Variants in KLRC4 observed in about 807,000 individuals in gnomAD.
KLRC4 encodes NKG2-F type II integral membrane protein.
KLRC4 carries 6 observed loss-of-function variants against 14.3 expected under a neutral mutation model. The ratio of observed to expected loss-of-function variants is 0.42; its 90% confidence interval spans 0.23 to 0.83. The LOEUF (loss-of-function observed/expected upper bound fraction) is 0.83, where lower values mean the gene tolerates loss of function less well. KLRC4 is among the 40% of genes least tolerant of loss of function. The pLI is 0.29. For missense variants in KLRC4, 158 were observed against 179.4 expected, an observed-to-expected ratio of 0.88 and a Z score of 0.68; for synonymous variants, 53 against 60.5, an observed-to-expected ratio of 0.88 and a Z score of 0.57.
chr12:10,408,352 GA>G lies in KLRC4; in HGVS notation c.316del (p.Ser106ProfsTer2). 5 of 1,509,892 alleles carry G rather than the reference GA, an allele frequency of 3.3e-6. No individual in the cohort carries two copies. The highest frequency in any genetic ancestry group is 3.7e-6 in the Non-Finnish European group (4 of 1,091,362). 93.5% of individuals were successfully genotyped at this position (1,509,892 alleles called of 1,614,324 possible). Reference protein sequence around the residue: ...CIGVLEQNNFSLNRRMQKARH... With the variant: ...CIGVLEQNNFXLNRRMQKARH... Reference sequence around the variant, plus strand: ...ACCTTTCTGCATTCTTCTATTCAGGGAAAAATTGTTCTGCTCCAGTACTCCA... The same window carrying G: ...ACCTTTCTGCATTCTTCTATTCAGGGAAAATTGTTCTGCTCCAGTACTCCA... On this transcript the variant is annotated frameshift_variant, in exon 3 of 4. Coordinates refer to ENST00000309384, the MANE Select transcript of KLRC4 (RefSeq NM_013431.2). LOFTEE classifies it low-confidence loss of function (END_TRUNC).
chr12:10,408,381 AC>A lies in KLRC4; in HGVS notation c.287del (p.Cys96LeufsTer12). 1 of 1,411,574 alleles carries A rather than the reference AC, an allele frequency of 7.1e-7. No homozygotes were observed. The highest frequency in any genetic ancestry group is 1.2e-5 in the South Asian group (1 of 80,816). The allele number at this position is 1,411,574 out of a possible 1,614,324, so 87.4% of individuals were successfully genotyped here. A position where few individuals can be genotyped will look rare whatever the true frequency, so the allele number is the denominator to read the frequency against. The part of the protein sequence containing the change: ...TVLKTIVLIP[C>X]IGVLEQNNFS... ...AATTGTTCTGCTCCAGTACTCCAAT[AC>A]CTAGAAAAATTAAAGTGATTCTTAC... On this transcript the variant is annotated frameshift_variant and splice_region_variant, in exon 3 of 4. Transcript: ENST00000309384. LOFTEE classifies it high-confidence loss of function.
chr12:10,408,225 T>G (rs2617169), intron 3 of KLRC4, 104 bp downstream of exon 3: 5 of 707,894 alleles, frequency 7.1e-6, no homozygotes, highest in Admixed American at 5.2e-5. Flanking sequence ...TTATGGCTCA[T>G]TGTTATAGTT....
At chr12:10,408,677 T>C (rs562265707) in intron 2 of KLRC4, among the ~76,000 whole-genome samples, 2 of 151,724 alleles carry the variant, frequency 1.3e-5, no homozygotes, top group African/African-American at 4.9e-5. Context: ...AGAATACATC[T>C]CTCTGTGTGT....
At position 10,409,687 on chromosome 12, in the gene KLRC4, G is replaced by C. The variant is rs574432279; in HGVS notation, c.-112C>G. The C allele has an allele frequency of 2.1e-6, 3 of 1,404,334 alleles. No homozygotes were observed. In the East Asian group the frequency reaches 7.1e-5, roughly 33 times the overall value. 87.0% of individuals were successfully genotyped at this position (1,404,334 alleles called of 1,614,324 possible). ...TGGTATAGGCAAACTGCATGTGTTG[G>C]AGGCTGAGTAGTAATGTTCATTTTG... On this transcript the variant is annotated 5_prime_UTR_variant, in exon 1 of 4. Transcript: ENST00000309384.
At position 10,408,134 on chromosome 12, in the gene KLRC4, G is replaced by A. The variant is rs561206676; in HGVS notation, c.340+195C>T. Among the ~76,000 whole-genome samples the A allele has an allele frequency of 5.3e-5, 8 of 152,164 alleles. 1 individual carries two copies. In the South Asian group the frequency reaches 1.7e-3, roughly 32 times the overall value. ...TCAGTTAATTAAATGCAACAAGAGG[G>A]TATAATGATTTTAACTGAGCATTTC... On this transcript the variant is annotated intron_variant, in intron 3 of 3. Coordinates refer to ENST00000309384, the MANE Select transcript of KLRC4 (RefSeq NM_013431.2).
chr12:10,408,061 G>A (rs1248693204), intron 3 of KLRC4, among the ~76,000 whole-genome samples: 4 of 151,532 alleles, frequency 2.6e-5, no homozygotes, highest in Non-Finnish European at 5.9e-5. Flanking sequence ...TGCTTTTTAA[G>A]TATAGTAAAA....
intron 3 of KLRC4, among the ~76,000 whole-genome samples, chr12:10,408,022 T>A (rs1209412085): frequency 6.6e-6 from 1 of 152,112 alleles, no homozygotes; most frequent in Non-Finnish European, 1.5e-5. Flanking sequence ...AAATCCACCC[T>A]ACACATCTTA....
rs1246870907 is a variant in KLRC4, at chr12:10,409,520, C to T, written c.56G>A (p.Arg19Lys). ...ATTGCCCTTAAGTTTCCTTTGCTGCCTCTTTGGGTCCTGGGCCAGACTCAC... is the reference window on the plus strand; with the variant it reads ...ATTGCCCTTAAGTTTCCTTTGCTGCTTCTTTGGGTCCTGGGCCAGACTCAC... Reference protein sequence around the residue: ...SEVSLAQDPKRQQRKLKGNKI... With the variant: ...SEVSLAQDPKKQQRKLKGNKI... The change falls in exon 1 of 4, where the codon AGG (arginine) becomes AAG (lysine). Residue 19 changes from arginine (R) to lysine (K), a missense_variant. Transcript: ENST00000309384. 2 of 1,613,990 alleles carry T rather than the reference C, an allele frequency of 1.2e-6. No homozygotes were observed. Among genetic ancestry groups the T allele is most frequent in the Non-Finnish European group, 1.7e-6 (2 of 1,179,916 alleles).
intron 1 of KLRC4, 147 bp downstream of exon 1, chr12:10,409,242 G>C: frequency 3.1e-6 from 3 of 958,590 alleles, no homozygotes; most frequent in Non-Finnish European, 3.1e-6. Flanking sequence ...AATAAAATCA[G>C]GCTTCAGATT....
chr12:10,408,422 G>C, intron 2 of KLRC4, 40 bp from the exon 3 acceptor site: 1 of 966,320 alleles, frequency 1.0e-6, no homozygotes, highest in Non-Finnish European at 1.6e-6. Flanking sequence ...TTAATATCTA[G>C]ACAAATTATA....
intron 1 of KLRC4, 129 bp from the exon 2 acceptor site, chr12:10,409,139 TA>T: frequency 9.6e-7 from 1 of 1,036,874 alleles, no homozygotes; most frequent in Non-Finnish European, 1.4e-6. Context: ...ACATCTACTC[TA>T]GTAATCTTTC....
At position 10,409,744 on chromosome 12, in the gene KLRC4, T is replaced by C; in HGVS notation, c.-169A>G. The C allele has an allele frequency of 2.0e-6, 2 of 997,274 alleles. No individual in the cohort carries two copies. The highest frequency in any genetic ancestry group is 2.7e-6 in the Non-Finnish European group (2 of 752,502). 61.8% of individuals were successfully genotyped at this position (997,274 alleles called of 1,614,324 possible). On this transcript the variant is annotated 5_prime_UTR_variant, in exon 1 of 4. Transcript: ENST00000309384. The stretch of plus-strand genomic sequence containing the variant: ...ACCAATATAAAAGTCTGGTACTAAT[T>C]TCCTAAAGTTTTAAACTGAAATCTC...
intron 2 of KLRC4, among the ~76,000 whole-genome samples, chr12:10,408,704 T>C (rs1242592878): frequency 6.6e-6 from 1 of 152,074 alleles, no homozygotes; most frequent in African/African-American, 2.4e-5. Flanking sequence ...TATATACATA[T>C]ATATTTAGTA....
chr12:10,409,182 T>G (rs1863547114), intron 1 of KLRC4, among the ~76,000 whole-genome samples, 172 bp from the exon 2 acceptor site: 1 of 152,204 alleles, frequency 6.6e-6, no homozygotes, highest in African/African-American at 2.4e-5. Context: ...TATCAGTAAA[T>G]ATAATGCTCC....
intron 3 of KLRC4, 49 bp downstream of exon 3, chr12:10,408,280 A>G (rs1863531794): frequency 9.2e-7 from 1 of 1,084,212 alleles, no homozygotes; most frequent in African/African-American, 1.6e-5. Flanking sequence ...CCCTTTAGAG[A>G]CAAAATATAA....
chr12:10,409,372 T>A lies in KLRC4; in HGVS notation c.187+17A>T, dbSNP rs778156316. On this transcript the variant is annotated intron_variant, in intron 1 of 3. Transcript: ENST00000309384. ...CATCCTAGAACAATAATATTGAAGA[T>A]CTATTTAATGTTTTACCTTTGCAGT... The A allele has an allele frequency of 6.3e-7, 1 of 1,592,188 alleles. No homozygotes were observed. The highest frequency in any genetic ancestry group is 1.7e-5 in the Admixed American group (1 of 59,582).
intron 2 of KLRC4, 42 bp from the exon 3 acceptor site, chr12:10,408,424 C>A (rs1006945732): frequency 2.1e-6 from 2 of 950,980 alleles, no homozygotes; most frequent in African/African-American, 3.4e-5. Flanking sequence ...AATATCTAGA[C>A]AAATTATAAT....
At chr12:10,407,848 A>G (rs1863522026) in intron 3 of KLRC4, 59 bp from the exon 4 acceptor site, 5 of 1,557,482 alleles carry the variant, frequency 3.2e-6, no homozygotes, top group Non-Finnish European at 4.3e-6. Context: ...AAATTATTTT[A>G]TATATTTGCA....
rs779573898 is a variant in KLRC4, at chr12:10,409,020, G to C, written c.188-10C>G. ...GGAGGTGGCAGTAAACCTGCAGGGA[G>C]AGAAAGAGGCACTGAGAGAGGGGAG... is the stretch of plus-strand genomic sequence containing the variant. On this transcript the variant is annotated splice_polypyrimidine_tract_variant and intron_variant, in intron 1 of 3. Transcript: ENST00000309384. The C allele has an allele frequency of 4.3e-6, 7 of 1,613,540 alleles. No homozygotes were observed. In the Admixed American group the frequency reaches 6.7e-5, roughly 15 times the overall value.
Sources: gnomAD v4.1 joint callset for allele counts (sites outside exome capture counted in the v4.1 genomes callset) on GRCh38, gnomAD v4.1.1 for gene constraint, MANE v1.5 for transcripts, NCBI Gene and HGNC (gene_info 2026-07-23, HGNC 2026-07-21) for gene names.